Variants in LRRIQ3 observed in about 807,000 individuals in gnomAD.
LRRIQ3 encodes the protein leucine rich repeats and IQ motif containing 3.
Under a neutral mutation model 59.3 loss-of-function variants are expected in LRRIQ3, and 75 were observed. The ratio of observed to expected loss-of-function variants is 1.26; its 90% CI spans 1.05 to 1.53. LRRIQ3 has a LOEUF of 1.53. Ranked by LOEUF, LRRIQ3 falls within the 40% of genes most tolerant of loss-of-function variation. The probability of loss-of-function intolerance (pLI) is 0.00; values close to 1 mark genes in which losing one functional copy is unlikely to be tolerated. For missense variants in LRRIQ3, 831 were observed against 710.0 expected (o/e 1.17, Z -1.94); for synonymous variants, 250 against 231.3 (o/e 1.08, Z -0.73).
chr1:74,026,893 T>C lies in LRRIQ3; in HGVS notation c.1795A>G (p.Arg599Gly), dbSNP rs765408557. 1 of 1,606,216 alleles carries C rather than the reference T, an allele frequency of 6.2e-7. No individual in the cohort carries two copies. The highest frequency in any genetic ancestry group is 8.5e-7 in the Non-Finnish European group (1 of 1,175,544). The change falls in exon 8 of 8, where the codon AGA becomes GGA. Residue 599 changes from arginine to glycine, a missense_variant. Transcript: ENST00000354431. Reference protein sequence around the residue: ...DMIAFEKACERLQDAKTKVAI... With the variant: ...DMIAFEKACEGLQDAKTKVAI... ...ACTTTTGTTTTAGCATCTTGAAGTC[T>C]TTCACAGGCTTTTTCAAAGGCAATC...
chr1:74,138,162 AC>A (rs1374040661), intron 4 of LRRIQ3, among the ~76,000 whole-genome samples: 99 of 53,706 alleles, frequency 1.8e-3, no homozygotes, highest in East Asian at 2.7e-3. Flanking sequence ...AAACAAACAA[AC>A]AAAAAAAAAA....
Position 74,182,548 on chromosome 1 carries a change from G to A in LRRIQ3, c.563C>T (p.Ala188Val). 1.3e-6 allele frequency: 2 copies of A among 1,548,500 alleles called. No homozygotes were observed. Among genetic ancestry groups the A allele is most frequent in the Non-Finnish European group, 1.7e-6 (2 of 1,149,238 alleles). ...AAAGAAGCCAATTACCTTTCTCAAA[G>A]CTGGGCAGAAATTAAAGAAAAGTCG... ...NHRLFFNFCP[A>V]LRKGTTYEEE... Residue 188 changes from alanine (A) to valine (V), a missense_variant, in exon 3 of 8, where the codon GCT becomes GTT. Transcript: ENST00000354431.
intron 6 of LRRIQ3, among the ~76,000 whole-genome samples, chr1:74,054,313 AAT>A: frequency 6.6e-6 from 1 of 152,176 alleles, no homozygotes; most frequent in Non-Finnish European, 1.5e-5. Flanking sequence ...ACTGGTATAC[AAT>A]ATGTGTGAAC....
chr1:74,133,460 C>T (rs935051881), intron 4 of LRRIQ3, among the ~76,000 whole-genome samples: 2 of 151,890 alleles, frequency 1.3e-5, no homozygotes, highest in East Asian at 1.9e-4. Flanking sequence ...TTGGAACCAA[C>T]CCAAATGTCC....
intron 1 of LRRIQ3, among the ~76,000 whole-genome samples, chr1:74,186,591 TATA>T (rs1410402181): frequency 3.3e-5 from 5 of 152,174 alleles, no homozygotes; most frequent in African/African-American, 1.2e-4. Flanking sequence ...ATTTGTAATA[TATA>T]ATAAGGGAAT....
chr1:74,182,792 T>C lies in LRRIQ3; in HGVS notation c.319A>G (p.Asn107Asp). ...ATATTCTTTAACTTTGCAAACCCAT[T>C]GTCATGAAGATAGAGTAGTTTTAGG... ...KNLKLLYLHD[N>D]GFAKLKNICV... The change falls in exon 3 of 8, where the codon AAT (asparagine) becomes GAT (aspartate). Residue 107 changes from asparagine to aspartate, a missense_variant. Transcript: ENST00000354431. 1 of 1,609,860 alleles carries C rather than the reference T, an allele frequency of 6.2e-7. No individual in the cohort carries two copies. Among genetic ancestry groups the C allele is most frequent in the South Asian group, 1.1e-5 (1 of 90,510 alleles).
intron 3 of LRRIQ3, chr1:74,181,572 A>G (rs1277660488): frequency 6.6e-6 from 1 of 151,818 alleles, no homozygotes; most frequent in African/African-American, 2.4e-5. Flanking sequence ...CATACTACGC[A>G]ACTGAAGTAC....
At chr1:74,103,012 C>T (rs1004805838) in intron 5 of LRRIQ3, among the ~76,000 whole-genome samples, 1 of 151,964 alleles carries the variant, frequency 6.6e-6, no homozygotes, top group South Asian at 2.1e-4. Context: ...TCTTTAGCCT[C>T]TGGTAGCTCT....
At chr1:74,097,425 C>T (rs1646464381) in intron 5 of LRRIQ3, among the ~76,000 whole-genome samples, 1 of 152,086 alleles carries the variant, frequency 6.6e-6, no homozygotes, top group South Asian at 2.1e-4. Flanking sequence ...AAATCTACGT[C>T]TCATTGGTGT....
intron 4 of LRRIQ3, among the ~76,000 whole-genome samples, chr1:74,141,982 T>TATACAC (rs990827329): frequency 1.3e-5 from 2 of 150,390 alleles, no homozygotes; most frequent in Non-Finnish European, 3.0e-5. Context: ...ATTCCATTTA[T>TATACAC]ACACACACAC....
At position 74,153,182 on chromosome 1, in the gene LRRIQ3, GCTATCAAT is replaced by G. The variant is rs945654670; in HGVS notation, c.707+2543_707+2550del. Among the ~76,000 whole-genome samples, 11 of 152,034 alleles carry G rather than the reference GCTATCAAT, an allele frequency of 7.2e-5. No homozygotes were observed. In the East Asian group the frequency reaches 9.6e-4, roughly 13 times the overall value. The stretch of plus-strand genomic sequence containing the variant: ...AGCTGCCTTTACGTAGGTTTAGGAG[GCTATCAAT>G]CTAATTACAACATTTCATTCTAAGA... On this transcript the variant is annotated intron_variant, in intron 4 of 7. Transcript: ENST00000354431.
intron 4 of LRRIQ3, among the ~76,000 whole-genome samples, chr1:74,141,698 AT>A (rs1647261655): frequency 6.6e-6 from 1 of 151,756 alleles, no homozygotes; most frequent in Non-Finnish European, 1.5e-5. Context: ...TTTTACAACA[AT>A]TTTATGTCAC....
At chr1:74,173,642 T>C (rs549114832) in intron 3 of LRRIQ3, among the ~76,000 whole-genome samples, 1 of 152,224 alleles carries the variant, frequency 6.6e-6, no homozygotes, top group African/African-American at 2.4e-5. Flanking sequence ...TCCCATATTT[T>C]GTCACTGATA....
Position 74,139,134 on chromosome 1 carries a change from AT to A in LRRIQ3, c.707+16598del, listed in dbSNP as rs1647185561. ...TATATGTATGTGTGTGTGTATATAT[AT>A]ATATACATGTGTGTGTGTATATATA... On this transcript the variant is annotated intron_variant, in intron 4 of 7. Coordinates refer to ENST00000354431, the MANE Select transcript of LRRIQ3 (RefSeq NM_001105659.2). Among the ~76,000 whole-genome samples the A allele has an allele frequency of 4.6e-5, 7 of 150,660 alleles. No homozygotes were observed. In the South Asian group the frequency reaches 1.5e-3, roughly 31 times the overall value.
At chr1:74,165,842 T>G (rs995236506) in intron 3 of LRRIQ3, among the ~76,000 whole-genome samples, 60 of 151,478 alleles carry the variant, frequency 4.0e-4, no homozygotes, top group African/African-American at 1.4e-3. Flanking sequence ...ACATCTCTTC[T>G]TTAGTCTTTT....
intron 4 of LRRIQ3, among the ~76,000 whole-genome samples, chr1:74,152,488 T>A (rs1022053086): frequency 1.3e-5 from 2 of 152,138 alleles, no homozygotes; most frequent in Admixed American, 1.3e-4. Flanking sequence ...ACTATGAAAC[T>A]ATTTTGTGTA....
intron 1 of LRRIQ3, among the ~76,000 whole-genome samples, 172 bp downstream of exon 1, chr1:74,197,824 A>G (rs1331352802): frequency 6.6e-6 from 1 of 152,106 alleles, no homozygotes; most frequent in Admixed American, 6.5e-5. Context: ...GGGAAAGGAG[A>G]GATGGCGGAG....
At chr1:74,093,881 A>G (rs1646419959) in intron 5 of LRRIQ3, among the ~76,000 whole-genome samples, 1 of 152,072 alleles carries the variant, frequency 6.6e-6, no homozygotes, top group African/African-American at 2.4e-5. Flanking sequence ...CTGCCAAATC[A>G]TCTATGTCCT....
At chr1:74,027,370 T>C (rs1569985875) in intron 7 of LRRIQ3, among the ~76,000 whole-genome samples, 1 of 152,240 alleles carries the variant, frequency 6.6e-6, no homozygotes, top group South Asian at 2.1e-4. Flanking sequence ...TATTTGGAGA[T>C]AAGGCCTTTA....
Sources: gnomAD v4.1 joint callset for allele counts (sites outside exome capture counted in the v4.1 genomes callset) on GRCh38, gnomAD v4.1.1 for gene constraint, MANE v1.5 for transcripts, NCBI Gene and HGNC (gene_info 2026-07-23, HGNC 2026-07-21) for gene names.